The following MACROD2 variants were observed in gnomAD, a reference collection of about 807,000 sequenced individuals.
MACROD2 encodes ADP-ribose glycohydrolase MACROD2.
A neutral mutation model predicts 70.4 loss-of-function variants in MACROD2; 36 were observed. That is an observed-to-expected ratio of 0.51 (90% CI 0.39 to 0.68). The LOEUF is 0.68. Ranked by LOEUF, MACROD2 falls within the 30% of genes least tolerant of loss-of-function variation. The pLI is 0.00. For missense variants in MACROD2, 496 were observed against 538.4 expected (o/e 0.92, Z 0.78); for synonymous variants, 172 against 178.8 (o/e 0.96, Z 0.30).
At chr20:15,504,021 A>T (rs950083229) in intron 8 of MACROD2, among the ~76,000 whole-genome samples, 1 of 152,148 alleles carries the variant, frequency 6.6e-6, no homozygotes, top group Non-Finnish European at 1.5e-5. Context: ...TTTACATTTC[A>T]CCATTAACTT....
chr20:14,832,470 T>A (rs2072982367), intron 5 of MACROD2, among the ~76,000 whole-genome samples: 1 of 151,876 alleles, frequency 6.6e-6, no homozygotes, highest in Non-Finnish European at 1.5e-5. Context: ...TGGGTCCACA[T>A]CTTCTGTTCT....
At chr20:15,427,931 C>A (rs1442547376) in intron 6 of MACROD2, among the ~76,000 whole-genome samples, 1 of 152,152 alleles carries the variant, frequency 6.6e-6, no homozygotes, top group East Asian at 1.9e-4. Context: ...AGAGATGCTA[C>A]TGATATCTAG....
At chr20:14,432,802 C>T (rs1330062580) in intron 3 of MACROD2, among the ~76,000 whole-genome samples, 1 of 152,060 alleles carries the variant, frequency 6.6e-6, no homozygotes, top group African/African-American at 2.4e-5. Context: ...AGGTGCCTGG[C>T]CACCATTATC....
intron 4 of MACROD2, among the ~76,000 whole-genome samples, chr20:14,588,200 G>A (rs556701787): frequency 1.1e-4 from 17 of 151,944 alleles, no homozygotes; most frequent in African/African-American, 3.4e-4. Context: ...TCTCCTCATG[G>A]TTTTTCCCTC....
At chr20:15,061,597 G>A (rs1295045847) in intron 5 of MACROD2, among the ~76,000 whole-genome samples, 1 of 152,152 alleles carries the variant, frequency 6.6e-6, no homozygotes, top group African/African-American at 2.4e-5. Context: ...CTCCAAGCCT[G>A]CTTCTGAGGG....
At chr20:15,239,111 A>G (rs949225311) in intron 6 of MACROD2, among the ~76,000 whole-genome samples, 4 of 152,032 alleles carry the variant, frequency 2.6e-5, no homozygotes, top group African/African-American at 7.2e-5. Flanking sequence ...ATTTTGGCAT[A>G]TATCTAGAGG....
intron 6 of MACROD2, among the ~76,000 whole-genome samples, chr20:15,313,359 T>C (rs1287506657): frequency 6.6e-6 from 1 of 151,776 alleles, no homozygotes; most frequent in Non-Finnish European, 1.5e-5. Context: ...ACAAAAAAAT[T>C]AGCCAGGCAT....
chr20:14,155,167 T>C (rs1487477308), intron 3 of MACROD2, among the ~76,000 whole-genome samples: 2 of 152,190 alleles, frequency 1.3e-5, no homozygotes, highest in African/African-American at 4.8e-5. Flanking sequence ...CACATATATA[T>C]AACTCATATA....
chr20:15,878,280 G>C (rs1482050248), intron 9 of MACROD2, among the ~76,000 whole-genome samples: 1 of 152,136 alleles, frequency 6.6e-6, no homozygotes, highest in Non-Finnish European at 1.5e-5. Context: ...TCACAAGTTA[G>C]TTCAGTTGAA....
chr20:14,948,337 G>T (rs2074449450), intron 5 of MACROD2, among the ~76,000 whole-genome samples: 1 of 152,112 alleles, frequency 6.6e-6, no homozygotes, highest in Non-Finnish European at 1.5e-5. Context: ...CCTTCACCTT[G>T]GTGACTCATA....
At chr20:14,232,645 G>C (rs1315250264) in intron 3 of MACROD2, among the ~76,000 whole-genome samples, 1 of 152,216 alleles carries the variant, frequency 6.6e-6, no homozygotes, top group Non-Finnish European at 1.5e-5. Flanking sequence ...TTCGGGCTTT[G>C]TTCTGGATTA....
chr20:14,103,792 T>C (rs1002931858), intron 3 of MACROD2, among the ~76,000 whole-genome samples: 15 of 152,202 alleles, frequency 9.9e-5, no homozygotes, highest in African/African-American at 3.1e-4. Flanking sequence ...TATTCAATCA[T>C]ATACATGAAT....
At chr20:15,749,253 A>G (rs1006307473) in intron 8 of MACROD2, among the ~76,000 whole-genome samples, 1 of 152,128 alleles carries the variant, frequency 6.6e-6, no homozygotes, top group Non-Finnish European at 1.5e-5. Flanking sequence ...CAATACATCC[A>G]GACACTTGCT....
At chr20:15,173,677 A>G (rs1342317406) in intron 5 of MACROD2, among the ~76,000 whole-genome samples, 1 of 152,168 alleles carries the variant, frequency 6.6e-6, no homozygotes, top group Non-Finnish European at 1.5e-5. Context: ...CAAAGGTTAT[A>G]GCTTGATAAT....
intron 3 of MACROD2, among the ~76,000 whole-genome samples, chr20:14,347,158 G>A (rs1049093898): frequency 5.3e-5 from 8 of 152,310 alleles, no homozygotes; most frequent in African/African-American, 1.4e-4. Context: ...AGAATCAGAG[G>A]TGCTAAGATA....
intron 5 of MACROD2, among the ~76,000 whole-genome samples, chr20:15,009,302 A>G (rs1268161478): frequency 6.6e-6 from 1 of 152,136 alleles, no homozygotes; most frequent in East Asian, 1.9e-4. Context: ...GAAGCCTAAA[A>G]CATATAGGAT....
chr20:14,317,660 C>G (rs917499967), intron 3 of MACROD2, among the ~76,000 whole-genome samples: 1 of 151,582 alleles, frequency 6.6e-6, no homozygotes, highest in Admixed American at 6.6e-5. Context: ...CCTCCCCCAA[C>G]CATAATCTTC....
chr20:14,899,609 C>T (rs145038627), intron 5 of MACROD2, among the ~76,000 whole-genome samples: 1 of 152,204 alleles, frequency 6.6e-6, no homozygotes, highest in African/African-American at 2.4e-5. Flanking sequence ...TAGGGTTTGC[C>T]CTAATGACCT....
intron 5 of MACROD2, among the ~76,000 whole-genome samples, chr20:14,785,149 TGTCA>T (rs199671054): frequency 0.013 from 2,016 of 152,016 alleles, 53 homozygotes; most frequent in African/African-American, 0.046. Context: ...TGTCTCTCCC[TGTCA>T]GTCTCTCATG....
Sources: allele counts gnomAD v4.1 joint callset (sites outside exome capture counted in the v4.1 genomes callset), GRCh38; gene constraint gnomAD v4.1.1; transcripts MANE v1.5; gene names NCBI Gene and HGNC (gene_info 2026-07-23, HGNC 2026-07-21).